UGT2A1: variants seen among roughly 807,000 people sequenced by gnomAD.
UGT2A1 encodes UDP-glucuronosyltransferase 2A1.
UGT2A1 carries 61 observed loss-of-function variants against 45.4 expected under a neutral mutation model. The ratio of observed to expected loss-of-function variants is 1.34; its 90% CI spans 1.09 to 1.66. The LOEUF is 1.66. Among genes scored for constraint, UGT2A1 ranks in the 40% most tolerant of loss-of-function variants. The pLI is 0.00. For synonymous variants in UGT2A1, 229 were observed against 196.2 expected, an observed-to-expected ratio of 1.17 and a Z score of -1.40; for missense variants, 649 against 574.3, an observed-to-expected ratio of 1.13 and a Z score of -1.33.
chr4:69,596,381 C>A, intron 4 of UGT2A1: 1 of 1,586,512 alleles, frequency 6.3e-7, no homozygotes, highest in South Asian at 1.2e-5. Context: ...TCTTCCATTT[C>A]CTGCATACAT....
Position 69,605,730 on chromosome 4 carries a change from A to G in UGT2A1, c.848-6336T>C, listed in dbSNP as rs1366944363. Among the ~76,000 whole-genome samples the G allele has an allele frequency of 1.5e-5, 2 of 137,066 alleles. 1 individual carries two copies. The highest frequency in any genetic ancestry group is 5.9e-5 in the African/African-American group (2 of 33,826). 89.9% of individuals were successfully genotyped at this position (137,066 alleles called of 152,430 possible). ...AATCAAATAGATGCAATAAAAAATG[A>G]TAAAGGGGATATCACCACCGATCCC... On this transcript the variant is annotated intron_variant, in intron 3 of 6. Coordinates refer to ENST00000286604, the MANE Select transcript of UGT2A1 (RefSeq NM_001252275.3).
At chr4:69,621,368 C>A (rs897741884) in intron 3 of UGT2A1, among the ~76,000 whole-genome samples, 1 of 151,890 alleles carries the variant, frequency 6.6e-6, no homozygotes, top group Non-Finnish European at 1.5e-5. Context: ...AGAAGACATA[C>A]ATGCAACCAT....
At chr4:69,625,710 T>A (rs1005705675) in intron 3 of UGT2A1, among the ~76,000 whole-genome samples, 1 of 151,444 alleles carries the variant, frequency 6.6e-6, no homozygotes, top group African/African-American at 2.4e-5. Context: ...TTATGTAAAT[T>A]TAAAATTTAC....
intron 4 of UGT2A1, among the ~76,000 whole-genome samples, chr4:69,597,118 T>C (rs142797499): frequency 9.3e-4 from 142 of 152,346 alleles, no homozygotes; most frequent in Admixed American, 4.3e-3. Context: ...TTAATAAATT[T>C]ATCGGTTCCT....
intron 2 of UGT2A1, among the ~76,000 whole-genome samples, chr4:69,642,558 A>G (rs1318049759): frequency 6.6e-6 from 1 of 151,738 alleles, no homozygotes; most frequent in South Asian, 2.1e-4. Flanking sequence ...ATGGAAGGAT[A>G]TACACTTGAA....
At chr4:69,648,488 C>T (rs1722382146) in intron 1 of UGT2A1, among the ~76,000 whole-genome samples, 1 of 151,910 alleles carries the variant, frequency 6.6e-6, no homozygotes, top group South Asian at 2.1e-4. Context: ...TAGATTCAGC[C>T]TTCAACAACT....
rs200803045 is a variant in UGT2A1 at position 69,589,433 on chromosome 4, T to C, written c.1523A>G (p.Gln508Arg). ...CVTTAIFLVI[Q>R]CCLFSCQKFG... ...TTTTTGACAGGAAAACAAACAACAT[T>C]GTATGACCAAAAATATAGCCGTTGT... The change falls in exon 7 of 7, where the codon CAA (glutamine) becomes CGA (arginine). Residue 508 changes from glutamine to arginine, a missense_variant. Transcript: ENST00000286604. 19 of 1,614,070 alleles carry C rather than the reference T, an allele frequency of 1.2e-5. No individual in the cohort carries two copies. In the East Asian group the frequency reaches 2.2e-4, roughly 19 times the overall value.
intron 3 of UGT2A1, among the ~76,000 whole-genome samples, chr4:69,613,233 A>C (rs1209852387): frequency 6.6e-6 from 1 of 151,888 alleles, no homozygotes; most frequent in Non-Finnish European, 1.5e-5. Context: ...GAATAGAATA[A>C]CTAGAAGTAA....
chr4:69,650,070 T>C (rs78537600), intron 1 of UGT2A1, among the ~76,000 whole-genome samples: 41,805 of 151,974 alleles, frequency 0.28, 6,445 homozygotes, highest in African/African-American at 0.4. Context: ...GCAATCCTCT[T>C]GGGCCCCCTC....
In UGT2A1 at chr4:69,628,757, A is replaced by C. The variant is rs547471960; in HGVS notation, c.847+6934T>G. 4.8e-4 allele frequency among the ~76,000 whole-genome samples: 72 copies of C among 149,156 alleles called. 1 individual carries two copies. Among genetic ancestry groups the C allele is most frequent in the African/African-American group, 1.6e-3 (63 of 40,422 alleles). On this transcript the variant is annotated intron_variant, in intron 3 of 6. Coordinates refer to ENST00000286604, the MANE Select transcript of UGT2A1 (RefSeq NM_001252275.3). ...AATGCCTACTTCTACTTAATACTAA[A>C]TGTAAAGTTTCAGCTTACAAAATAA...
intron 3 of UGT2A1, among the ~76,000 whole-genome samples, chr4:69,607,464 C>A (rs888242531): frequency 5.9e-5 from 9 of 151,858 alleles, no homozygotes; most frequent in African/African-American, 2.2e-4. Context: ...ACCATAAAAA[C>A]CCTAGAAGAA....
chr4:69,592,023 C>T (rs968063238), intron 6 of UGT2A1, among the ~76,000 whole-genome samples: 2 of 152,094 alleles, frequency 1.3e-5, no homozygotes, highest in Admixed American at 1.3e-4. Context: ...CAAAAGTGGA[C>T]AACCAGGGCT....
intron 5 of UGT2A1, 58 bp downstream of exon 5, chr4:69,595,104 C>CAGCAATAGACA: frequency 6.3e-7 from 1 of 1,585,998 alleles, no homozygotes; most frequent in Admixed American, 1.7e-5. Flanking sequence ...TGCTATTAAA[C>CAGCAATAGACA]AGTTACTTAA....
chr4:69,624,313 A>T (rs996940631), intron 3 of UGT2A1, among the ~76,000 whole-genome samples: 1 of 151,456 alleles, frequency 6.6e-6, no homozygotes, highest in African/African-American at 2.4e-5. Flanking sequence ...CTTTACTGTT[A>T]GTATCATAGG....
chr4:69,636,381 C>A (rs1291721125), intron 2 of UGT2A1, among the ~76,000 whole-genome samples: 1 of 152,076 alleles, frequency 6.6e-6, no homozygotes, highest in Non-Finnish European at 1.5e-5. Context: ...TGGGGTTTTA[C>A]CAGTTCTTCA....
chr4:69,603,819 G>A (rs1719444048), intron 3 of UGT2A1, among the ~76,000 whole-genome samples: 1 of 136,914 alleles, frequency 7.3e-6, no homozygotes, highest in African/African-American at 3.0e-5. Flanking sequence ...GGGTATCAGT[G>A]ATGGAAGATC....
intron 3 of UGT2A1, among the ~76,000 whole-genome samples, chr4:69,607,218 G>GCATGGTACTGGTACCA (rs1553904403): frequency 7.3e-5 from 11 of 150,028 alleles, no homozygotes; most frequent in Non-Finnish European, 8.9e-5. Context: ...TACCAAAACA[G>GCATGGTACTGGTACCA]AGATAAAGAC....
intron 3 of UGT2A1, among the ~76,000 whole-genome samples, chr4:69,604,566 A>C (rs1420848167): frequency 1.5e-5 from 2 of 136,634 alleles, no homozygotes; most frequent in African/African-American, 3.0e-5. Context: ...GTTCACACAT[A>C]AGAATATTAA....
chr4:69,637,537 C>CT (rs1324207783), intron 2 of UGT2A1, among the ~76,000 whole-genome samples: 1 of 152,066 alleles, frequency 6.6e-6, no homozygotes, highest in Non-Finnish European at 1.5e-5. Context: ...CTCCAGGGAT[C>CT]TTATGGATTC....
Sources: allele counts gnomAD v4.1 joint callset (sites outside exome capture counted in the v4.1 genomes callset), GRCh38; gene constraint gnomAD v4.1.1; transcripts MANE v1.5; gene names NCBI Gene and HGNC (gene_info 2026-07-23, HGNC 2026-07-21).